The following TLN2 variants were observed in gnomAD, a reference collection of about 807,000 sequenced individuals.
TLN2 encodes the protein talin 2, also known as talin-2.
A neutral mutation model predicts 294.7 loss-of-function variants in TLN2; 118 were observed. The ratio of observed to expected loss-of-function variants is 0.40; its 90% CI spans 0.34 to 0.47. TLN2 has a LOEUF of 0.47. Ranked by LOEUF, TLN2 falls within the 20% of genes least tolerant of loss-of-function variation. The pLI, the probability that TLN2 is intolerant of heterozygous loss-of-function variation, is 0.84. For missense variants in TLN2, 3,083 were observed against 3,282.2 expected, an observed-to-expected ratio of 0.94 and a Z score of 1.48; for synonymous variants, 1,431 against 1,304.5, an observed-to-expected ratio of 1.10 and a Z score of -2.09.
intron 25 of TLN2, among the ~76,000 whole-genome samples, chr15:62,721,842 A>G (rs1395224024): frequency 1.3e-5 from 2 of 152,026 alleles, no homozygotes; most frequent in African/African-American, 4.8e-5. Flanking sequence ...AGACAAGGAG[A>G]TTGTGAGATA....
At chr15:62,621,039 C>T (rs1305916002) in intron 3 of TLN2, among the ~76,000 whole-genome samples, 1 of 151,356 alleles carries the variant, frequency 6.6e-6, no homozygotes, top group East Asian at 2.0e-4. Context: ...CGGGGTTTCA[C>T]CATGTTAGCC....
chr15:62,583,239 CAGTGTTAAA>C (rs2045293037), intron 1 of TLN2, among the ~76,000 whole-genome samples: 1 of 152,112 alleles, frequency 6.6e-6, no homozygotes, highest in South Asian at 2.1e-4. Flanking sequence ...TTCAGGAAAT[CAGTGTTAAA>C]AGCTTATTTT....
At chr15:62,506,835 C>G (rs891312190) in intron 1 of TLN2, among the ~76,000 whole-genome samples, 1 of 152,194 alleles carries the variant, frequency 6.6e-6, no homozygotes, top group African/African-American at 2.4e-5. Flanking sequence ...GGCATTCAAA[C>G]GGGATATTAA....
chr15:62,739,362 G>T lies in TLN2; in HGVS notation c.3702G>T (p.Thr1234=), dbSNP rs367811145. 1.9e-6 allele frequency: 3 copies of T among 1,613,454 alleles called. No individual in the cohort carries two copies. Among genetic ancestry groups the T allele is most frequent in the Non-Finnish European group, 2.5e-6 (3 of 1,179,776 alleles). ...KLLVDSLPPS[T]KPFQEAQSEL... is the part of the protein sequence containing the mutation. ...GTTCCCCACAGCTACCTCCAAGCAC[G>T]AAGCCTTTCCAGGAAGCCCAGAGTG... The change falls in exon 31 of 59, where the codon ACG becomes ACT. Residue 1234 remains threonine (T), a synonymous_variant. Coordinates refer to ENST00000636159, the MANE Select transcript of TLN2 (RefSeq NM_015059.3).
Position 62,686,744 on chromosome 15 carries a change from G to T in TLN2, c.1061G>T (p.Trp354Leu). 1 of 1,613,810 alleles carries T rather than the reference G, an allele frequency of 6.2e-7. No individual in the cohort carries two copies. ...AAGACCAAGGAAGTGCTGCAGGAGT[G>T]GCCCCTCACCACCGTCAAGCGCTGG... The part of the protein sequence containing the change: ...DEKTKEVLQE[W>L]PLTTVKRWAA... Residue 354 changes from tryptophan to leucine, a missense_variant, in exon 12 of 59, where the codon TGG becomes TTG. Physicochemically the swap from Trp to Leu is moderately conservative, Grantham distance 61. Coordinates refer to ENST00000636159, the MANE Select transcript of TLN2 (RefSeq NM_015059.3).
chr15:62,832,174 C>T (rs1372679412), intron 54 of TLN2: 1 of 140,118 alleles, frequency 7.1e-6, no homozygotes, highest in Non-Finnish European at 1.5e-5. Flanking sequence ...ATACTTGGTA[C>T]ACAGTAGGCA....
In TLN2 at chr15:62,739,477, T is replaced by C; in HGVS notation, c.3817T>C (p.Ser1273Pro). 6.2e-7 allele frequency: 1 copy of C among 1,614,182 alleles called. No homozygotes were observed. Among genetic ancestry groups the C allele is most frequent in the Non-Finnish European group, 8.5e-7 (1 of 1,180,036 alleles). The change falls in exon 31 of 59, where the codon TCT becomes CCT. Residue 1273 changes from serine (S) to proline (P), a missense_variant. Ser to Pro is a moderately conservative substitution (Grantham distance 74, BLOSUM62 -1). Transcript: ENST00000636159. The part of the protein sequence containing the change: ...RGQSGELAAA[S>P]GKFSDDFDEF... The stretch of plus-strand genomic sequence containing the variant: ...CCAGAGTGGAGAGTTGGCTGCAGCC[T>C]CTGGAAAGTTCAGTGATGATTTTGA...
intron 12 of TLN2, among the ~76,000 whole-genome samples, chr15:62,689,052 C>CT (rs1166211552): frequency 1.4e-5 from 2 of 139,964 alleles, no homozygotes; most frequent in African/African-American, 5.3e-5. Flanking sequence ...TGTTTGTCCA[C>CT]TTTATTTCTC....
chr15:62,644,341 C>T (rs1469408308), intron 3 of TLN2, among the ~76,000 whole-genome samples: 1 of 152,120 alleles, frequency 6.6e-6, no homozygotes, highest in Non-Finnish European at 1.5e-5. Flanking sequence ...CCTGTGCCTC[C>T]TTTGCCAATT....
chr15:62,532,221 GTTGT>G (rs1308282464), intron 1 of TLN2, among the ~76,000 whole-genome samples: 1 of 151,774 alleles, frequency 6.6e-6, no homozygotes, highest in Non-Finnish European at 1.5e-5. Context: ...AATGTCGTGG[GTTGT>G]TTGTTTGTTT....
Position 62,775,387 on chromosome 15 carries a change from T to G in TLN2, c.5368-1377T>G, listed in dbSNP as rs939730904. Among the ~76,000 whole-genome samples, 10 of 152,196 alleles carry G rather than the reference T, an allele frequency of 6.6e-5. No homozygotes were observed. The South Asian group carries it at 2.1e-3, about 32-fold the overall frequency. On this transcript the variant is annotated intron_variant, in intron 42 of 58. Transcript: ENST00000636159. Reference sequence around the variant, plus strand: ...CTTCTATCATCAAAATAAAGCAATCTGCACATTTTGTGTTTTACCATGTCT... The same window carrying G: ...CTTCTATCATCAAAATAAAGCAATCGGCACATTTTGTGTTTTACCATGTCT...
chr15:62,431,929 C>T (rs1025719890), intron 1 of TLN2, among the ~76,000 whole-genome samples: 104 of 152,198 alleles, frequency 6.8e-4, no homozygotes, highest in Non-Finnish European at 2.6e-4. Flanking sequence ...CCTTGGGCCC[C>T]GGGCATGGTC....
intron 29 of TLN2, among the ~76,000 whole-genome samples, chr15:62,737,673 A>G (rs11629643): frequency 0.96 from 146,109 of 152,290 alleles, 70,237 homozygotes; most frequent in East Asian, 1. Context: ...TTTCTAGGCA[A>G]CGTGAGGGCA....
intron 1 of TLN2, among the ~76,000 whole-genome samples, chr15:62,440,972 A>G (rs951739414): frequency 6.6e-6 from 1 of 152,196 alleles, no homozygotes; most frequent in African/African-American, 2.4e-5. Context: ...TTCTGGTTAT[A>G]GTCACATTGG....
chr15:62,453,978 C>T (rs1190894892), intron 1 of TLN2, among the ~76,000 whole-genome samples: 1 of 152,152 alleles, frequency 6.6e-6, no homozygotes, highest in Non-Finnish European at 1.5e-5. Context: ...CAGGCCCACC[C>T]CCAGGTGCCA....
intron 1 of TLN2, among the ~76,000 whole-genome samples, chr15:62,534,659 C>T (rs1483007980): frequency 6.6e-6 from 1 of 152,148 alleles, no homozygotes; most frequent in Non-Finnish European, 1.5e-5. Flanking sequence ...CGCTCCCCTC[C>T]TCTGAGGTTG....
intron 3 of TLN2, among the ~76,000 whole-genome samples, chr15:62,619,052 A>G (rs980103249): frequency 1.3e-5 from 2 of 151,754 alleles, no homozygotes; most frequent in African/African-American, 4.8e-5. Flanking sequence ...CTTAGTTTGG[A>G]TTAATTTATG....
chr15:62,674,101 C>T (rs569943142), intron 10 of TLN2, among the ~76,000 whole-genome samples: 1 of 152,240 alleles, frequency 6.6e-6, no homozygotes, highest in South Asian at 2.1e-4. Context: ...GTTACCTAGC[C>T]CTTCTGAGAA....
At chr15:62,413,300 A>T (rs1158828558) in intron 1 of TLN2, among the ~76,000 whole-genome samples, 1 of 152,194 alleles carries the variant, frequency 6.6e-6, no homozygotes. Flanking sequence ...TATTTAGTCC[A>T]TGCACTGCCC....
Sources: gnomAD v4.1 joint callset for allele counts (sites outside exome capture counted in the v4.1 genomes callset) on GRCh38, gnomAD v4.1.1 for gene constraint, MANE v1.5 for transcripts, NCBI Gene and HGNC (gene_info 2026-07-23, HGNC 2026-07-21) for gene names.